Variants in KCNMB2 observed in about 807,000 individuals in gnomAD.
KCNMB2 encodes the protein calcium-activated potassium channel subunit beta-2.
KCNMB2 carries 9 observed loss-of-function variants against 24.5 expected under a neutral mutation model. The observed-to-expected ratio is 0.37, with a 90% confidence interval of 0.22 to 0.64. KCNMB2 has a LOEUF of 0.64. Among genes scored for constraint, KCNMB2 ranks in the 30% least tolerant of loss-of-function variants. KCNMB2 has a pLI of 0.63. For missense variants in KCNMB2, 226 were observed against 284.3 expected (o/e 0.79, Z 1.47); for synonymous variants, 109 against 104.4 (o/e 1.04, Z -0.27).
At chr3:178,765,354 A>G (rs1028570268) in intron 1 of KCNMB2, among the ~76,000 whole-genome samples, 2 of 152,218 alleles carry the variant, frequency 1.3e-5, no homozygotes, top group African/African-American at 2.4e-5. Context: ...GAGTGTCTGC[A>G]AGAATACTTA....
intron 1 of KCNMB2, among the ~76,000 whole-genome samples, chr3:178,730,521 T>C (rs1723115010): frequency 6.6e-6 from 1 of 151,760 alleles, no homozygotes; most frequent in East Asian, 1.9e-4. Context: ...GGCCATTTCT[T>C]CACATAACAT....
At chr3:178,608,093 T>C (rs1295733830) in intron 1 of KCNMB2, among the ~76,000 whole-genome samples, 1 of 152,182 alleles carries the variant, frequency 6.6e-6, no homozygotes, top group Non-Finnish European at 1.5e-5. Flanking sequence ...AGAGAGACTT[T>C]GAAAGAGGTA....
At chr3:178,620,247 C>T (rs910847722) in intron 1 of KCNMB2, among the ~76,000 whole-genome samples, 4 of 83,102 alleles carry the variant, frequency 4.8e-5, no homozygotes, top group African/African-American at 3.6e-4. Flanking sequence ...TTCATACATA[C>T]AACTAGAAAA....
chr3:178,813,971 TTG>T (rs1714300224), intron 2 of KCNMB2, among the ~76,000 whole-genome samples: 4 of 146,638 alleles, frequency 2.7e-5, no homozygotes, highest in African/African-American at 7.8e-5. Context: ...GTTGTTGTTG[TTG>T]TTGTTGTTGT....
At chr3:178,819,307 T>G (rs188925978) in intron 2 of KCNMB2, among the ~76,000 whole-genome samples, 1 of 152,342 alleles carries the variant, frequency 6.6e-6, no homozygotes, top group Non-Finnish European at 1.5e-5. Context: ...ATGATCACTG[T>G]AACCCTACAC....
intron 1 of KCNMB2, among the ~76,000 whole-genome samples, chr3:178,634,123 T>A (rs1719427806): frequency 6.6e-6 from 1 of 152,212 alleles, no homozygotes; most frequent in Non-Finnish European, 1.5e-5. Context: ...TCTTCCTGTC[T>A]TCTGAGCCCT....
chr3:178,593,540 C>G (rs1476710001), intron 1 of KCNMB2, among the ~76,000 whole-genome samples: 5 of 152,018 alleles, frequency 3.3e-5, no homozygotes, highest in African/African-American at 1.2e-4. Context: ...TGAATTCTCC[C>G]CACTACAATC....
rs370655128 is a variant in KCNMB2 at position 178,750,725 on chromosome 3, T to A, written c.-67-56618T>A. ...AAAAGTCCTGATTTGGCACTGCTTTTCAGACAGTAGGAGCTTATGGGGTAC... is the reference window on the plus strand; with the variant it reads ...AAAAGTCCTGATTTGGCACTGCTTTACAGACAGTAGGAGCTTATGGGGTAC... On this transcript the variant is annotated intron_variant, in intron 1 of 4. Coordinates refer to ENST00000452583, the MANE Select transcript of KCNMB2 (RefSeq NM_181361.3). 3.5e-4 allele frequency among the ~76,000 whole-genome samples: 53 copies of A among 152,332 alleles called. 1 individual carries two copies. In the South Asian group the frequency reaches 0.011, roughly 31 times the overall value.
At chr3:178,575,472 G>A (rs771642878) in intron 1 of KCNMB2, among the ~76,000 whole-genome samples, 13 of 152,120 alleles carry the variant, frequency 8.5e-5, no homozygotes, top group Admixed American at 2.6e-4. Flanking sequence ...ACATGTAGAA[G>A]CACAAATCAA....
chr3:178,601,045 G>C (rs1718064418), intron 1 of KCNMB2, among the ~76,000 whole-genome samples: 1 of 152,080 alleles, frequency 6.6e-6, no homozygotes, highest in Admixed American at 6.6e-5. Context: ...TCCTTTGCAG[G>C]GACATGGATG....
intron 1 of KCNMB2, among the ~76,000 whole-genome samples, chr3:178,676,433 C>T (rs1351335352): frequency 6.6e-6 from 1 of 152,130 alleles, no homozygotes; most frequent in East Asian, 1.9e-4. Flanking sequence ...ACCTTCACCA[C>T]TCTCCTCTCC....
intron 4 of KCNMB2, among the ~76,000 whole-genome samples, chr3:178,842,127 A>T (rs1389690030): frequency 6.6e-6 from 1 of 152,158 alleles, no homozygotes; most frequent in Non-Finnish European, 1.5e-5. Flanking sequence ...TTTTTTTATG[A>T]CAGTTGCAAA....
intron 2 of KCNMB2, among the ~76,000 whole-genome samples, chr3:178,813,270 G>A (rs1160820396): frequency 6.6e-6 from 1 of 151,916 alleles, no homozygotes; most frequent in African/African-American, 2.4e-5. Context: ...TCCACATCCC[G>A]GAATATAATT....
rs1255117187 is a variant in KCNMB2, at chr3:178,807,452, C to T, written c.43C>T (p.His15Tyr). Reference protein sequence around the residue: ...TSGRTSSSYRHDEKRNIYQKI... With the variant: ...TSGRTSSSYRYDEKRNIYQKI... ...TGGCCGGACCTCTTCATCTTATAGA[C>T]ATGATGAAAAAAGGTAAATGCACTG... Residue 15 changes from histidine to tyrosine, a missense_variant, in exon 2 of 5, where the codon CAT becomes TAT. By Grantham distance (83) the His-to-Tyr change is moderately conservative. Transcript: ENST00000452583. 1.1e-5 allele frequency: 18 copies of T among 1,613,406 alleles called. No homozygotes were observed. Among genetic ancestry groups the T allele is most frequent in the Non-Finnish European group, 1.4e-5 (17 of 1,179,428 alleles).
At chr3:178,625,471 G>A (rs1719083472) in intron 1 of KCNMB2, among the ~76,000 whole-genome samples, 1 of 152,236 alleles carries the variant, frequency 6.6e-6, no homozygotes, top group Admixed American at 6.5e-5. Flanking sequence ...GCACTTTGGG[G>A]TCAATGCCGG....
chr3:178,629,356 G>C (rs1719230954), intron 1 of KCNMB2, among the ~76,000 whole-genome samples: 1 of 152,134 alleles, frequency 6.6e-6, no homozygotes, highest in South Asian at 2.1e-4. Context: ...AAATTAACAG[G>C]GAAAAAGGAG....
intron 1 of KCNMB2, among the ~76,000 whole-genome samples, chr3:178,658,514 T>C (rs1720419896): frequency 6.6e-6 from 1 of 152,198 alleles, no homozygotes; most frequent in Non-Finnish European, 1.5e-5. Context: ...AAGAAGCTTT[T>C]TCTTACCCCT....
chr3:178,714,943 T>A (rs1053138084), intron 1 of KCNMB2, among the ~76,000 whole-genome samples: 1 of 152,234 alleles, frequency 6.6e-6, no homozygotes, highest in South Asian at 2.1e-4. Flanking sequence ...CTGAAGCTCT[T>A]CATTCCTGAA....
At chr3:178,621,304 G>T (rs960030101) in intron 1 of KCNMB2, among the ~76,000 whole-genome samples, 1 of 151,682 alleles carries the variant, frequency 6.6e-6, no homozygotes, top group African/African-American at 2.4e-5. Context: ...AGCTATTCTG[G>T]CCTTTTCTCT....
Sources: gnomAD v4.1 joint callset for allele counts (sites outside exome capture counted in the v4.1 genomes callset) on GRCh38, gnomAD v4.1.1 for gene constraint, MANE v1.5 for transcripts, NCBI Gene and HGNC (gene_info 2026-07-23, HGNC 2026-07-21) for gene names.